The following OTOF variants were observed in gnomAD, a reference collection of about 807,000 sequenced individuals.
OTOF encodes the protein fer-1-like family member 2.
A neutral mutation model predicts 236.8 loss-of-function variants in OTOF; 218 were observed. That is an observed-to-expected ratio of 0.92 (90% CI 0.82 to 1.03). The LOEUF (loss-of-function observed/expected upper bound fraction) is 1.03, where lower values mean the gene tolerates loss of function less well. Ranked by LOEUF, OTOF falls within the 50% of genes least tolerant of loss-of-function variation. The probability of loss-of-function intolerance (pLI) is 0.00; values close to 1 mark genes in which losing one functional copy is unlikely to be tolerated. For missense variants in OTOF, 2,590 were observed against 2,694.4 expected (o/e 0.96, Z 0.86); for synonymous variants, 1,041 against 1,072.5 (o/e 0.97, Z 0.57).
chr2:26,556,686 G>C (rs1054506691), intron 1 of OTOF, among the ~76,000 whole-genome samples: 1 of 152,170 alleles, frequency 6.6e-6, no homozygotes, highest in African/African-American at 2.4e-5. Flanking sequence ...GCAAGATTGA[G>C]TACTCAGGAT....
intron 5 of OTOF, among the ~76,000 whole-genome samples, chr2:26,507,859 C>T (rs950719600): frequency 1.1e-4 from 16 of 152,150 alleles, no homozygotes; most frequent in Non-Finnish European, 1.6e-4. Context: ...GAAAAAAATG[C>T]TAAAATTAGT....
At chr2:26,529,831 G>A (rs886382810) in intron 2 of OTOF, among the ~76,000 whole-genome samples, 1 of 134,784 alleles carries the variant, frequency 7.4e-6, no homozygotes, top group African/African-American at 2.5e-5. Flanking sequence ...GCAGGGCCTA[G>A]GGAGGGCTTC....
At chr2:26,471,487 C>G (rs1013456653) in intron 30 of OTOF, among the ~76,000 whole-genome samples, 1 of 152,160 alleles carries the variant, frequency 6.6e-6, no homozygotes, top group African/African-American at 2.4e-5. Flanking sequence ...GATGAACAGT[C>G]CTAGGCCCAA....
intron 5 of OTOF, among the ~76,000 whole-genome samples, chr2:26,508,034 T>A (rs1359655014): frequency 6.6e-6 from 1 of 152,202 alleles, no homozygotes; most frequent in Non-Finnish European, 1.5e-5. Flanking sequence ...AGTGTTTCAT[T>A]AATTCAGGTC....
At chr2:26,536,353 A>G (rs1018084069) in intron 2 of OTOF, among the ~76,000 whole-genome samples, 10 of 152,192 alleles carry the variant, frequency 6.6e-5, no homozygotes, top group African/African-American at 2.4e-4. Flanking sequence ...AGGTAAGGAC[A>G]GAAACTTCCT....
Position 26,558,481 on chromosome 2 carries a change from C to T in OTOF, c.79+12G>A, listed in dbSNP as rs201241987. On this transcript the variant is annotated intron_variant, in intron 1 of 46. Transcript: ENST00000272371. Reference sequence around the variant, plus strand: ...CAGAGCTGGCGTCCCTCTGAGACAGCGGCTTCCCTACCTCGGAAAGTCACT... The same window carrying T: ...CAGAGCTGGCGTCCCTCTGAGACAGTGGCTTCCCTACCTCGGAAAGTCACT... 6.9e-5 allele frequency: 111 copies of T among 1,611,678 alleles called. No homozygotes were observed. Among genetic ancestry groups the T allele is most frequent in the Admixed American group, 5.5e-4 (33 of 60,002 alleles).
At chr2:26,500,423 A>T (rs1464811829) in intron 8 of OTOF, among the ~76,000 whole-genome samples, 3 of 152,146 alleles carry the variant, frequency 2.0e-5, no homozygotes, top group Non-Finnish European at 4.4e-5. Flanking sequence ...ATGATACCTG[A>T]GTTGGGGTCG....
At position 26,457,740 on chromosome 2, in the gene OTOF, A is replaced by G. The variant is rs908698460; in HGVS notation, c.*498T>C. 1.5e-5 allele frequency: 6 copies of G among 413,058 alleles called. 1 individual carries two copies. In the South Asian group the frequency reaches 1.8e-4, roughly 13 times the overall value. 25.6% of individuals were successfully genotyped at this position (413,058 alleles called of 1,614,324 possible). A position where few individuals can be genotyped will look rare whatever the true frequency, so the allele number is the denominator to read the frequency against. ...GAGGGTTTCAGGAGTCTTCCTCTGG[A>G]GCCTGGGCCTGAAGAAGGGTGGCGC... On this transcript the variant is annotated 3_prime_UTR_variant, in exon 47 of 47. Transcript: ENST00000272371. The surrounding 1 kb of genome is among the most constrained non-coding windows in gnomAD (Gnocchi z 4.4).
chr2:26,467,139 T>C lies in OTOF; in HGVS notation c.4322A>G (p.Asp1441Gly). 1 of 1,613,920 alleles carries C rather than the reference T, an allele frequency of 6.2e-7. No homozygotes were observed. The highest frequency in any genetic ancestry group is 8.5e-7 in the Non-Finnish European group (1 of 1,179,972). The change falls in exon 35 of 47, where the codon GAT becomes GGT. Residue 1441 changes from aspartate (D) to glycine (G), a missense_variant. Physicochemically the swap from Asp to Gly is moderately conservative, Grantham distance 94 (BLOSUM62 -1). This residue lies in a region of OTOF where 1,211 missense variants were observed against 1,352.8 expected (regional missense o/e 0.90). Transcript: ENST00000272371. ...AATGCGCTCCTCCTCGGTGGAGCCA[T>C]CCTCATCATCCCCGGTCTTGCCCCG... ...LLRGKTGDDE[D>G]GSTEEERIVG...
chr2:26,482,361 G>A (rs1665561180), intron 14 of OTOF, 45 bp downstream of exon 14: 1 of 1,571,222 alleles, frequency 6.4e-7, no homozygotes, highest in African/African-American at 1.4e-5. Context: ...TTCCCTTCAG[G>A]CCACTCCCTC....
At chr2:26,557,975 G>T (rs1200763857) in intron 1 of OTOF, among the ~76,000 whole-genome samples, 1 of 151,872 alleles carries the variant, frequency 6.6e-6, no homozygotes, top group African/African-American at 2.4e-5. Flanking sequence ...GAGAGGCGAG[G>T]GGCTCCCGGG....
chr2:26,536,344 G>A (rs1373548776), intron 2 of OTOF, among the ~76,000 whole-genome samples: 1 of 152,120 alleles, frequency 6.6e-6, no homozygotes, highest in Non-Finnish European at 1.5e-5. Flanking sequence ...AGGGGGAGAA[G>A]GTAAGGACAG....
Position 26,477,520 on chromosome 2 carries a change from G to A in OTOF, c.2316-14C>T, listed in dbSNP as rs369796499. ...GAGAGGAAGCGGCTGGGGGTAGGGC[G>A]AGCCGGGGTTTAGCGAGCCTGACCA... On this transcript the variant is annotated splice_polypyrimidine_tract_variant and intron_variant, in intron 19 of 46. Coordinates refer to ENST00000272371, the MANE Select transcript of OTOF (RefSeq NM_194248.3). The surrounding 1 kb of genome is among the most constrained non-coding windows in gnomAD (Gnocchi z 4.7). The A allele has an allele frequency of 8.1e-6, 13 of 1,598,662 alleles. No homozygotes were observed. The highest frequency in any genetic ancestry group is 4.0e-5 in the African/African-American group (3 of 74,712).
chr2:26,501,495 T>C (rs779248931), intron 8 of OTOF, among the ~76,000 whole-genome samples: 7 of 152,242 alleles, frequency 4.6e-5, no homozygotes, highest in Non-Finnish European at 8.8e-5. Flanking sequence ...TGAAGTCCAA[T>C]ACTGAACATG....
At chr2:26,472,284 CCA>C (rs764205026) in intron 30 of OTOF, 3 of 579,454 alleles carry the variant, frequency 5.2e-6, no homozygotes, top group East Asian at 3.1e-5. Flanking sequence ...CATATGCACA[CCA>C]CACACATGCG....
chr2:26,483,697 AC>A, intron 12 of OTOF, 49 bp from the exon 13 acceptor site: 1 of 1,551,146 alleles, frequency 6.4e-7, no homozygotes, highest in Non-Finnish European at 8.8e-7. Context: ...CAGGTCCCCA[AC>A]CCCCATCCTG....
In OTOF at chr2:26,462,197, G is replaced by A. The variant is rs560576655; in HGVS notation, c.5193-16C>T. 1.2e-6 allele frequency: 2 copies of A among 1,611,512 alleles called. No homozygotes were observed. The highest frequency in any genetic ancestry group is 1.3e-5 in the African/African-American group (1 of 74,992). On this transcript the variant is annotated splice_polypyrimidine_tract_variant and intron_variant, in intron 41 of 46. Coordinates refer to ENST00000272371, the MANE Select transcript of OTOF (RefSeq NM_194248.3). The surrounding 1 kb of genome is among the most constrained non-coding windows in gnomAD (Gnocchi z 4.7). ...CAGCTCGTACCTGGGCCCAGGGAGA[G>A]AAGGCTGGTTAGCAGCCCCAGGTGG...
chr2:26,492,044 G>A (rs559203013), intron 9 of OTOF, among the ~76,000 whole-genome samples: 49 of 152,280 alleles, frequency 3.2e-4, no homozygotes, highest in Non-Finnish European at 3.7e-4. Flanking sequence ...ACATTCCCAC[G>A]ACGAGGAGGA....
rs200926467 is a variant in OTOF at position 26,462,060 on chromosome 2, C to A, written c.5291+23G>T. On this transcript the variant is annotated intron_variant, in intron 42 of 46. Transcript: ENST00000272371. The surrounding 1 kb of genome is among the most constrained non-coding windows in gnomAD (Gnocchi z 4.7). ...CAAGCCCCACCCAGCTCAGTCCCTC[C>A]CATGCAGGGACTGCTCACCCACCCC... The A allele has an allele frequency of 1.6e-5, 25 of 1,610,360 alleles. No individual in the cohort carries two copies. The African/African-American group carries it at 2.5e-4, about 16-fold the overall frequency.
Sources: allele counts gnomAD v4.1 joint callset (sites outside exome capture counted in the v4.1 genomes callset), GRCh38; gene constraint gnomAD v4.1.1; regional missense constraint gnomAD v4.1.1; non-coding constraint Gnocchi (gnomAD v3.1); transcripts MANE v1.5; gene names NCBI Gene and HGNC (gene_info 2026-07-23, HGNC 2026-07-21).